The following GNA13 variants were observed in gnomAD, a reference collection of about 807,000 sequenced individuals.
GNA13 encodes the protein G protein subunit alpha 13, also known as guanine nucleotide-binding protein subunit alpha-13.
Under a neutral mutation model 33.5 loss-of-function variants are expected in GNA13, and 4 were observed. That is an observed-to-expected ratio of 0.12 (90% confidence interval 0.06 to 0.27). The LOEUF is 0.27. Ranked by LOEUF, GNA13 falls within the 10% of genes least tolerant of loss-of-function variation. GNA13 has a pLI of 1.00. For missense variants in GNA13, 319 were observed against 487.2 expected, an observed-to-expected ratio of 0.65 and a Z score of 3.25; for synonymous variants, 176 against 183.8, an observed-to-expected ratio of 0.96 and a Z score of 0.34.
intron 1 of GNA13, chr17:65,055,805 G>C (rs1908030035): frequency 2.0e-6 from 2 of 976,898 alleles, no homozygotes; most frequent in Non-Finnish European, 2.4e-6. Context: ...TTGCTTAGGA[G>C]ACGGCCAAGG....
chr17:65,041,256 C>T (rs1907441835), intron 2 of GNA13, among the ~76,000 whole-genome samples: 1 of 152,118 alleles, frequency 6.6e-6, no homozygotes, highest in African/African-American at 2.4e-5. Flanking sequence ...TATTTACAAG[C>T]TAAATATAGC....
At chr17:65,026,048 G>A (rs1303041190) in intron 2 of GNA13, among the ~76,000 whole-genome samples, 1 of 151,760 alleles carries the variant, frequency 6.6e-6, no homozygotes, top group Non-Finnish European at 1.5e-5. Context: ...TAATGTATAA[G>A]GTTTTAATTT....
At chr17:65,024,775 T>G (rs1279906732) in intron 2 of GNA13, among the ~76,000 whole-genome samples, 2 of 152,266 alleles carry the variant, frequency 1.3e-5, no homozygotes, top group African/African-American at 4.8e-5. Context: ...CAAAACTAGA[T>G]TTCGTATTAA....
chr17:65,034,377 ATT>A (rs763627403), intron 2 of GNA13, among the ~76,000 whole-genome samples: 3 of 144,352 alleles, frequency 2.1e-5, no homozygotes, highest in Non-Finnish European at 1.5e-5. Flanking sequence ...AAGGCTAATA[ATT>A]TTTTTTTTTT....
At chr17:65,033,319 T>TA (rs113558956) in intron 2 of GNA13, among the ~76,000 whole-genome samples, 132 of 144,558 alleles carry the variant, frequency 9.1e-4, no homozygotes, top group Middle Eastern at 3.7e-3. Context: ...ACCCCATCTC[T>TA]AAAAAAAAAA....
intron 2 of GNA13, among the ~76,000 whole-genome samples, chr17:65,034,377 A>ATTT (rs763627403): frequency 6.9e-6 from 1 of 144,392 alleles, no homozygotes; most frequent in Non-Finnish European, 1.5e-5. Context: ...AAGGCTAATA[A>ATTT]TTTTTTTTTT....
intron 1 of GNA13, among the ~76,000 whole-genome samples, 183 bp downstream of exon 1, chr17:65,056,128 G>T (rs1174188661): frequency 6.6e-6 from 1 of 151,836 alleles, no homozygotes; most frequent in Admixed American, 6.6e-5. Flanking sequence ...CTCGCCCTGG[G>T]GCGCGAGGGC....
chr17:65,035,637 A>G (rs535499515), intron 2 of GNA13, among the ~76,000 whole-genome samples: 2 of 152,346 alleles, frequency 1.3e-5, no homozygotes, highest in African/African-American at 2.4e-5. Context: ...TCACATAATG[A>G]TAACAACAGA....
chr17:65,031,919 AGAGTGTGTGTGTGTGT>A (rs1171697984), intron 2 of GNA13, among the ~76,000 whole-genome samples: 50 of 125,568 alleles, frequency 4.0e-4, no homozygotes, highest in African/African-American at 1.5e-3. Context: ...AGAGAGAGAG[AGAGTGTGTGTGTGTGT>A]GTGTGTGTGT....
intron 2 of GNA13, among the ~76,000 whole-genome samples, chr17:65,047,259 A>G (rs753189344): frequency 1.1e-4 from 17 of 152,184 alleles, no homozygotes; most frequent in Non-Finnish European, 2.2e-4. Flanking sequence ...GAGGTGGCTC[A>G]CTACTGTAAT....
intron 2 of GNA13, among the ~76,000 whole-genome samples, chr17:65,033,001 C>T (rs562304461): frequency 1.3e-4 from 20 of 151,878 alleles, no homozygotes; most frequent in African/African-American, 4.6e-4. Flanking sequence ...ATCCCAGCTA[C>T]TCAGGAGGCT....
intron 2 of GNA13, among the ~76,000 whole-genome samples, chr17:65,019,203 A>C (rs1442960355): frequency 6.6e-6 from 1 of 152,120 alleles, no homozygotes; most frequent in Non-Finnish European, 1.5e-5. Context: ...AGTTTCTGCA[A>C]TTCAAGGAGT....
chr17:65,036,707 A>G (rs1194778212), intron 2 of GNA13, among the ~76,000 whole-genome samples: 2 of 152,238 alleles, frequency 1.3e-5, no homozygotes, highest in African/African-American at 4.8e-5. Flanking sequence ...CTATGTCCCA[A>G]ATAAATAAAT....
At chr17:65,028,456 G>GA (rs35774973) in intron 2 of GNA13, among the ~76,000 whole-genome samples, 1,708 of 143,904 alleles carry the variant, frequency 0.012, 28 homozygotes, top group African/African-American at 0.039. Context: ...GAAGAAAGTG[G>GA]AAAAAAAAAA....
Position 65,014,762 on chromosome 17 carries a change from T to C in GNA13, c.629A>G (p.Asp210Gly). 1.2e-6 allele frequency: 2 copies of C among 1,613,538 alleles called. No individual in the cohort carries two copies. Among genetic ancestry groups the C allele is most frequent in the Non-Finnish European group, 8.5e-7 (1 of 1,179,448 alleles). ...RRPTKGIHEY[D>G]FEIKNVPFKM... ...GAAAGGAACATTTTTTATTTCAAAG[T>C]CGTATTCATGGATGCCTTTGGTGGG... is the stretch of plus-strand genomic sequence containing the variant. Residue 210 changes from aspartate to glycine, a missense_variant, in exon 4 of 4, where the codon GAC becomes GGC. Physicochemically the swap from Asp to Gly is moderately conservative, Grantham distance 94. Coordinates refer to ENST00000439174, the MANE Select transcript of GNA13 (RefSeq NM_006572.6). This position sits in a 1 kb window ranked among gnomAD's most constrained non-coding sequence, Gnocchi z 5.3.
chr17:65,052,652 T>G (rs1343357863), intron 2 of GNA13, among the ~76,000 whole-genome samples: 1 of 152,254 alleles, frequency 6.6e-6, no homozygotes, highest in Non-Finnish European at 1.5e-5. Context: ...TCAACTGTAT[T>G]CTGTATCTTT....
chr17:65,032,368 G>A (rs1243960028), intron 2 of GNA13, among the ~76,000 whole-genome samples: 1 of 151,972 alleles, frequency 6.6e-6, no homozygotes, highest in African/African-American at 2.4e-5. Context: ...AGATTGTTCT[G>A]CCCACACTAT....
intron 2 of GNA13, among the ~76,000 whole-genome samples, chr17:65,020,898 G>A (rs188006450): frequency 1.1e-4 from 17 of 152,174 alleles, no homozygotes; most frequent in African/African-American, 2.4e-4. Flanking sequence ...TGATCCACCC[G>A]TCTCGGCCTC....
chr17:65,056,449 C>T lies in GNA13; in HGVS notation c.145G>A (p.Val49Met). ...SREKTYVKRL[V>M]KILLLGAGES... is the part of the protein sequence containing the mutation. The stretch of plus-strand genomic sequence containing the variant: ...CCCGCGCCCAGCAGCAGGATCTTCA[C>T]CAGCCGCTTCACATAGGTCTTTTCC... Residue 49 changes from valine (V) to methionine (M), a missense_variant, in exon 1 of 4, where the codon GTG becomes ATG. Coordinates refer to ENST00000439174, the MANE Select transcript of GNA13 (RefSeq NM_006572.6). 6.2e-7 allele frequency: 1 copy of T among 1,613,884 alleles called. No individual in the cohort carries two copies. Among genetic ancestry groups the T allele is most frequent in the Non-Finnish European group, 8.5e-7 (1 of 1,179,880 alleles).
Sources: allele counts gnomAD v4.1 joint callset (sites outside exome capture counted in the v4.1 genomes callset), GRCh38; gene constraint gnomAD v4.1.1; non-coding constraint Gnocchi (gnomAD v3.1); transcripts MANE v1.5; gene names NCBI Gene and HGNC (gene_info 2026-07-23, HGNC 2026-07-21).